Variants in MAML3 observed in about 807,000 individuals in gnomAD.
The protein encoded by MAML3 is mastermind-like protein 3.
A neutral mutation model predicts 101.9 loss-of-function variants in MAML3; 27 were observed. The ratio of observed to expected loss-of-function variants is 0.27; its 90% CI spans 0.20 to 0.37. MAML3 has a LOEUF of 0.37. Ranked by LOEUF, MAML3 falls within the 10% of genes least tolerant of loss-of-function variation. The probability of loss-of-function intolerance (pLI) is 1.00; values close to 1 mark genes in which losing one functional copy is unlikely to be tolerated. For missense variants in MAML3, 1,316 were observed against 1,444.9 expected (o/e 0.91, Z 1.45); for synonymous variants, 501 against 555.9 (o/e 0.90, Z 1.39).
intron 2 of MAML3, among the ~76,000 whole-genome samples, chr4:139,824,287 T>G (rs567473848): frequency 6.6e-6 from 1 of 152,352 alleles, no homozygotes; most frequent in South Asian, 2.1e-4. Context: ...TGCCTTTCTA[T>G]CCTCAGAATG....
chr4:139,888,687 T>C (rs1194138009), intron 2 of MAML3: 5 of 518,168 alleles, frequency 9.6e-6, no homozygotes, highest in South Asian at 2.8e-5. Context: ...CACTAAGATA[T>C]ATTCACCATC....
At chr4:139,746,721 C>G (rs915582514) in intron 2 of MAML3, among the ~76,000 whole-genome samples, 5 of 152,198 alleles carry the variant, frequency 3.3e-5, no homozygotes, top group Admixed American at 6.5e-5. Flanking sequence ...TCACCTCCCC[C>G]CTTCTCCTCC....
chr4:140,073,801 C>T (rs1727705602), intron 1 of MAML3, among the ~76,000 whole-genome samples: 1 of 152,036 alleles, frequency 6.6e-6, no homozygotes, highest in Non-Finnish European at 1.5e-5. Flanking sequence ...CAAAATCAAA[C>T]AGGAGGCCTG....
chr4:140,009,488 A>G (rs778661843), intron 1 of MAML3, among the ~76,000 whole-genome samples: 4 of 152,182 alleles, frequency 2.6e-5, no homozygotes, highest in East Asian at 1.9e-4. Context: ...ATCTTTTCCT[A>G]TAATTTTTTT....
At chr4:140,091,195 C>A (rs114705977) in intron 1 of MAML3, among the ~76,000 whole-genome samples, 2 of 152,138 alleles carry the variant, frequency 1.3e-5, no homozygotes, top group Non-Finnish European at 2.9e-5. Context: ...GCCCTACATA[C>A]ACTATTTTAC....
intron 2 of MAML3, among the ~76,000 whole-genome samples, chr4:139,857,055 A>G (rs545857550): frequency 6.6e-6 from 1 of 152,372 alleles, no homozygotes; most frequent in African/African-American, 2.4e-5. Context: ...GTAATTTTAA[A>G]CAATAAATTC....
intron 2 of MAML3, among the ~76,000 whole-genome samples, chr4:139,797,833 G>T (rs1730537439): frequency 6.6e-6 from 1 of 152,052 alleles, no homozygotes; most frequent in Non-Finnish European, 1.5e-5. Flanking sequence ...CATTTTTGAT[G>T]CAATGTATTT....
At chr4:140,047,778 T>G (rs1462201666) in intron 1 of MAML3, among the ~76,000 whole-genome samples, 1 of 140,126 alleles carries the variant, frequency 7.1e-6, no homozygotes, top group Non-Finnish European at 1.5e-5. Flanking sequence ...AGCATTTGGA[T>G]ACCTGTAAAT....
chr4:140,017,760 A>G (rs1726664753), intron 1 of MAML3, among the ~76,000 whole-genome samples: 1 of 142,138 alleles, frequency 7.0e-6, no homozygotes, highest in Non-Finnish European at 1.6e-5. Flanking sequence ...ATGAGTATCT[A>G]GTGGTTAAGA....
At chr4:139,772,021 C>G (rs181573161) in intron 2 of MAML3, among the ~76,000 whole-genome samples, 21 of 151,084 alleles carry the variant, frequency 1.4e-4, no homozygotes, top group African/African-American at 3.4e-4. Context: ...GGGCGGATCA[C>G]GAGGTCAGCA....
At chr4:140,035,834 AC>A (rs1203960306) in intron 1 of MAML3, among the ~76,000 whole-genome samples, 1 of 152,046 alleles carries the variant, frequency 6.6e-6, no homozygotes, top group Non-Finnish European at 1.5e-5. Context: ...AAAGTTTAGC[AC>A]CAAATTGCTC....
rs113232261 is a variant in MAML3 at position 139,821,486 on chromosome 4, C to T, written c.2079+67871G>A. On this transcript the variant is annotated intron_variant, in intron 2 of 4. Coordinates refer to ENST00000509479, the MANE Select transcript of MAML3 (RefSeq NM_018717.5). ...TTCATCCTGAAACCATCCCCCCGGC[C>T]GACCCCTGGTCTGTGGAAAAATTGT... 1.5e-4 allele frequency among the ~76,000 whole-genome samples: 23 copies of T among 152,280 alleles called. 1 individual carries two copies. The highest frequency in any genetic ancestry group is 4.8e-4 in the African/African-American group (20 of 41,540).
In MAML3 at chr4:139,860,032, C is replaced by CG. The variant is rs201049853; in HGVS notation, c.2079+29324dup. 1.6e-3 allele frequency among the ~76,000 whole-genome samples: 241 copies of CG among 152,324 alleles called. 2 individuals are homozygous for CG. In the East Asian group the frequency reaches 0.022, roughly 14 times the overall value. Reference sequence around the variant, plus strand: ...AGCCTCGAGTACCCGGGGGCAGGCGCGGGCCTCAGCGAGACGTGCTGCCGT... The same window carrying CG: ...AGCCTCGAGTACCCGGGGGCAGGCGCGGGGCCTCAGCGAGACGTGCTGCCGT... On this transcript the variant is annotated intron_variant, in intron 2 of 4. Coordinates refer to ENST00000509479, the MANE Select transcript of MAML3 (RefSeq NM_018717.5).
chr4:139,997,881 T>C (rs6536630), intron 1 of MAML3, among the ~76,000 whole-genome samples: 12 of 151,840 alleles, frequency 7.9e-5, no homozygotes, highest in African/African-American at 2.9e-4. Flanking sequence ...TTCTTTTTTT[T>C]AAAAATGAGA....
chr4:139,996,417 G>A (rs1220757241), intron 1 of MAML3, among the ~76,000 whole-genome samples: 2 of 151,834 alleles, frequency 1.3e-5, no homozygotes, highest in African/African-American at 4.8e-5. Context: ...AGTTCTGTGT[G>A]TTTCTGTTTC....
At chr4:139,951,556 G>T (rs1478979546) in intron 1 of MAML3, among the ~76,000 whole-genome samples, 6 of 152,166 alleles carry the variant, frequency 3.9e-5, no homozygotes, top group Non-Finnish European at 7.3e-5. Flanking sequence ...GCTGACGCAT[G>T]CAGAGCTGTG....
intron 1 of MAML3, chr4:140,134,584 C>A (rs148861386): frequency 5.4e-5 from 18 of 333,018 alleles, no homozygotes; most frequent in African/African-American, 2.6e-4. Flanking sequence ...ATATAAACTC[C>A]GATGAGTGAT....
intron 1 of MAML3, among the ~76,000 whole-genome samples, chr4:140,004,716 G>A (rs1877075): frequency 0.23 from 34,782 of 151,778 alleles, 5,058 homozygotes; most frequent in Non-Finnish European, 0.32. Flanking sequence ...CGGGGCTGGC[G>A]AGGGAGCCTG....
At chr4:140,094,892 G>A (rs1337744375) in intron 1 of MAML3, among the ~76,000 whole-genome samples, 1 of 152,258 alleles carries the variant, frequency 6.6e-6, no homozygotes, top group African/African-American at 2.4e-5. Context: ...AGAAGACGCT[G>A]TATGGAAAGA....
Sources: allele counts gnomAD v4.1 joint callset (sites outside exome capture counted in the v4.1 genomes callset), GRCh38; gene constraint gnomAD v4.1.1; transcripts MANE v1.5; gene names NCBI Gene and HGNC (gene_info 2026-07-23, HGNC 2026-07-21).